NALCN: variants seen among roughly 807,000 people sequenced by gnomAD.
The protein encoded by NALCN is sodium leak channel NALCN.
NALCN carries 111 observed loss-of-function variants against 225.3 expected under a neutral mutation model. The ratio of observed to expected loss-of-function variants is 0.49; its 90% CI spans 0.42 to 0.58. The LOEUF is 0.58. NALCN is among the 20% of genes least tolerant of loss of function. NALCN has a pLI of 0.00. For synonymous variants in NALCN, 764 were observed against 769.0 expected (o/e 0.99, Z 0.11); for missense variants, 1,378 against 2,202.4 (o/e 0.63, Z 7.49).
chr13:101,176,444 T>TTTTG, intron 14 of NALCN, 70 bp from the exon 15 acceptor site: 3 of 1,125,510 alleles, frequency 2.7e-6, no homozygotes, highest in Non-Finnish European at 3.7e-6. Context: ...ATGTATAATA[T>TTTTG]AGCTACCTAA....
In NALCN at chr13:101,110,622, T is replaced by C; in HGVS notation, c.2361A>G (p.Gln787=). Residue 787 remains glutamine, a synonymous_variant, in exon 20 of 44, where the codon CAA becomes CAG. Coordinates refer to ENST00000251127, the MANE Select transcript of NALCN (RefSeq NM_052867.4). ...SRGKSLETLT[Q]DHSNTVRYRN... is the part of the protein sequence containing the mutation. ...CAAAGCATTGCTTAAAACTTACATC[T>C]TGAGTCAAAGTTTCAAGAGATTTTC... is the stretch of plus-strand genomic sequence containing the variant. 4 of 1,613,978 alleles carry C rather than the reference T, an allele frequency of 2.5e-6. No homozygotes were observed. Among genetic ancestry groups the C allele is most frequent in the Non-Finnish European group, 3.4e-6 (4 of 1,179,908 alleles).
Position 101,089,621 on chromosome 13 carries a change from GAAAAGGCTAAACCCTGTGGTATCC to G in NALCN, c.3489+18_3489+41del, listed in dbSNP as rs746754883. The G allele has an allele frequency of 6.3e-7, 1 of 1,575,976 alleles. No homozygotes were observed. Among genetic ancestry groups the G allele is most frequent in the East Asian group, 2.2e-5 (1 of 44,538 alleles). On this transcript the variant is annotated intron_variant, in intron 30 of 43. Transcript: ENST00000251127. The surrounding 1 kb of genome is among the most constrained non-coding windows in gnomAD (Gnocchi z 4.7). The stretch of plus-strand genomic sequence containing the variant: ...ACAAATAGCTCAAAGTGAGTGGCTA[GAAAAGGCTAAACCCTGTGGTATCC>G]AAACCAAAAATCCTTACCTTGTTTT...
At chr13:101,235,333 T>C (rs2041514326) in intron 12 of NALCN, among the ~76,000 whole-genome samples, 1 of 152,218 alleles carries the variant, frequency 6.6e-6, no homozygotes, top group Admixed American at 6.5e-5. Flanking sequence ...TCAGAGACTA[T>C]AGCAATTTTA....
chr13:101,409,509 C>G (rs2139550517), intron 1 of NALCN, among the ~76,000 whole-genome samples: 1 of 152,244 alleles, frequency 6.6e-6, no homozygotes, highest in African/African-American at 2.4e-5. Flanking sequence ...AGTATATATC[C>G]TACTCTATAT....
At position 101,082,798 on chromosome 13, in the gene NALCN, C is replaced by T; in HGVS notation, c.3765+11G>A. On this transcript the variant is annotated intron_variant, in intron 33 of 43. Coordinates refer to ENST00000251127, the MANE Select transcript of NALCN (RefSeq NM_052867.4). ...CAGATTCCCCCAGAGCTAGCTGACT[C>T]ATTACAGTACCTCCAGAACAAAGAT... 1.2e-6 allele frequency: 2 copies of T among 1,613,902 alleles called. No homozygotes were observed.
chr13:101,156,724 T>G (rs1383545960), intron 15 of NALCN, among the ~76,000 whole-genome samples: 1 of 152,198 alleles, frequency 6.6e-6, no homozygotes, highest in Non-Finnish European at 1.5e-5. Flanking sequence ...TTTGTTGCAC[T>G]TAGTGTGCAT....
intron 7 of NALCN, among the ~76,000 whole-genome samples, chr13:101,300,429 T>TC (rs1310656050): frequency 1.3e-5 from 2 of 150,384 alleles, no homozygotes; most frequent in South Asian, 4.3e-4. Flanking sequence ...CTCTTTTTTT[T>TC]CTCTCTCTTT....
Position 101,124,067 on chromosome 13 carries a change from A to T in NALCN, c.2192+541T>A, listed in dbSNP as rs898377736. Among the ~76,000 whole-genome samples the T allele has an allele frequency of 3.3e-5, 5 of 152,242 alleles. 1 individual carries two copies. The highest frequency in any genetic ancestry group is 2.6e-4 in the Admixed American group (4 of 15,286). ...ATCATGTTACTCCATAATATAACAT[A>T]TAGTCTTATAAAACACTCAAGTCGG... On this transcript the variant is annotated intron_variant, in intron 18 of 43. Transcript: ENST00000251127.
intron 15 of NALCN, among the ~76,000 whole-genome samples, chr13:101,166,709 C>T (rs900857451): frequency 7.2e-5 from 11 of 152,104 alleles, no homozygotes; most frequent in African/African-American, 2.7e-4. Context: ...TGATTGTTTC[C>T]TTTGACGTGC....
chr13:101,232,395 G>C (rs1295051224), intron 12 of NALCN, among the ~76,000 whole-genome samples: 2 of 151,578 alleles, frequency 1.3e-5, no homozygotes, highest in Admixed American at 1.3e-4. Flanking sequence ...TTCAAATTAA[G>C]CATCATACCA....
Position 101,111,231 on chromosome 13 carries a change from GAA to G in NALCN, c.2193-7_2193-6del. The G allele has an allele frequency of 1.3e-6, 2 of 1,552,824 alleles. No individual in the cohort carries two copies. The highest frequency in any genetic ancestry group is 1.2e-5 in the South Asian group (1 of 85,758). On this transcript the variant is annotated splice_region_variant and splice_polypyrimidine_tract_variant and intron_variant, in intron 18 of 43. Transcript: ENST00000251127. ...ATGCGCTGTCGGGTGCAAGCTCTAG[GAA>G]AAAAAAAGGAGCCCAAGATAAATGC...
chr13:101,398,439 G>C (rs1461764124), intron 2 of NALCN, among the ~76,000 whole-genome samples: 1 of 152,162 alleles, frequency 6.6e-6, no homozygotes, highest in Non-Finnish European at 1.5e-5. Context: ...CAGCACTCAT[G>C]GATATGCATG....
upstream of NALCN, among the ~76,000 whole-genome samples, chr13:101,416,775 G>C (rs1359499234): frequency 6.6e-6 from 1 of 151,656 alleles, no homozygotes; most frequent in Admixed American, 6.6e-5. Context: ...CCTCTCGGGG[G>C]TCTTTCGTAC....
chr13:101,147,957 A>G (rs1280796137), intron 15 of NALCN, among the ~76,000 whole-genome samples: 1 of 152,094 alleles, frequency 6.6e-6, no homozygotes, highest in East Asian at 1.9e-4. Flanking sequence ...TCTAGATTTC[A>G]GTTCCACTAG....
intron 15 of NALCN, among the ~76,000 whole-genome samples, chr13:101,149,046 T>C (rs150823120): frequency 0.022 from 3,360 of 152,234 alleles, 49 homozygotes; most frequent in Middle Eastern, 0.041. Context: ...GTAATCCCAG[T>C]ACTTTGGGAG....
At chr13:101,134,022 A>C (rs780967921) in intron 17 of NALCN, among the ~76,000 whole-genome samples, 7 of 152,044 alleles carry the variant, frequency 4.6e-5, no homozygotes, top group African/African-American at 7.2e-5. Flanking sequence ...TAGAAAAAAT[A>C]AGCCGGGCAT....
At chr13:101,337,428 C>T (rs747025295) in intron 7 of NALCN, among the ~76,000 whole-genome samples, 2 of 152,066 alleles carry the variant, frequency 1.3e-5, no homozygotes, top group Non-Finnish European at 2.9e-5. Flanking sequence ...CCTGCCTCAG[C>T]CTCCCGAGTA....
chr13:101,090,824 C>T (rs955557348), intron 28 of NALCN, among the ~76,000 whole-genome samples: 22 of 152,092 alleles, frequency 1.4e-4, no homozygotes, highest in African/African-American at 1.9e-4. Context: ...AGATAGTGCA[C>T]GCAGAATCCA....
At chr13:101,160,029 A>G (rs2038091224) in intron 15 of NALCN, among the ~76,000 whole-genome samples, 1 of 152,062 alleles carries the variant, frequency 6.6e-6, no homozygotes, top group Admixed American at 6.6e-5. Flanking sequence ...ATCTCGGCTC[A>G]CTGCAACCTC....
Sources: allele counts gnomAD v4.1 joint callset (sites outside exome capture counted in the v4.1 genomes callset), GRCh38; gene constraint gnomAD v4.1.1; non-coding constraint Gnocchi (gnomAD v3.1); transcripts MANE v1.5; gene names NCBI Gene and HGNC (gene_info 2026-07-23, HGNC 2026-07-21).